CCDC192: variants seen among roughly 807,000 people sequenced by gnomAD.
CCDC192 encodes the protein coiled-coil domain-containing protein 192.
chr5:127,866,354 A>G (rs566905572), intron 5 of CCDC192, among the ~76,000 whole-genome samples: 1 of 151,596 alleles, frequency 6.6e-6, no homozygotes, highest in South Asian at 2.1e-4. Context: ...GCCCTTAGTC[A>G]AATTAACTAT....
intron 2 of CCDC192, among the ~76,000 whole-genome samples, chr5:127,738,836 A>T (rs928384590): frequency 2.6e-5 from 4 of 151,764 alleles, no homozygotes; most frequent in Admixed American, 1.3e-4. Context: ...ATTCTTCTAA[A>T]TTTTTTTCAG....
chr5:127,880,740 G>A (rs1178314791), intron 6 of CCDC192, among the ~76,000 whole-genome samples: 1 of 152,156 alleles, frequency 6.6e-6, no homozygotes, highest in African/African-American at 2.4e-5. Flanking sequence ...AGCACTTTGG[G>A]AGGCAGAGGT....
chr5:127,719,534 C>CAT (rs1158638020), intron 2 of CCDC192, among the ~76,000 whole-genome samples: 1,568 of 42,168 alleles, frequency 0.037, 58 homozygotes, highest in African/African-American at 0.068. Flanking sequence ...TACACACATA[C>CAT]ATATATATAT....
At chr5:127,720,304 A>G (rs925463878) in intron 2 of CCDC192, among the ~76,000 whole-genome samples, 3 of 152,236 alleles carry the variant, frequency 2.0e-5, no homozygotes, top group Non-Finnish European at 4.4e-5. Flanking sequence ...TGCAAGTCCA[A>G]AACTCAGCAG....
chr5:127,705,773 ACT>A (rs1467957127), intron 1 of CCDC192, among the ~76,000 whole-genome samples: 3 of 151,898 alleles, frequency 2.0e-5, no homozygotes, highest in Non-Finnish European at 4.4e-5. Context: ...ATAAACACAC[ACT>A]CTGGACTATT....
At chr5:127,891,535 G>C (rs537949484) in intron 6 of CCDC192, among the ~76,000 whole-genome samples, 1 of 152,262 alleles carries the variant, frequency 6.6e-6, no homozygotes, top group African/African-American at 2.4e-5. Context: ...TCCACCTAGT[G>C]CTCCACACTC....
intron 2 of CCDC192, among the ~76,000 whole-genome samples, chr5:127,718,213 T>G (rs1270628260): frequency 6.6e-6 from 1 of 152,220 alleles, no homozygotes; most frequent in Non-Finnish European, 1.5e-5. Context: ...AAAGGTCCTG[T>G]CTTCATGCAA....
intron 3 of CCDC192, among the ~76,000 whole-genome samples, chr5:127,789,926 A>T (rs1247934851): frequency 1.3e-5 from 2 of 152,132 alleles, no homozygotes; most frequent in Non-Finnish European, 2.9e-5. Context: ...TGAAACCAAG[A>T]TCCTCGTGTG....
intron 5 of CCDC192, among the ~76,000 whole-genome samples, chr5:127,869,904 A>G (rs1751774870): frequency 6.6e-6 from 1 of 152,174 alleles, no homozygotes; most frequent in South Asian, 2.1e-4. Flanking sequence ...AAGAACTGAA[A>G]GGTGTTAGCT....
chr5:127,936,039 G>T (rs923385319), intron 6 of CCDC192, among the ~76,000 whole-genome samples: 3 of 152,176 alleles, frequency 2.0e-5, no homozygotes, highest in African/African-American at 7.2e-5. Context: ...GGGAGGCAGA[G>T]GTTGTGGTGA....
At chr5:127,847,844 A>AATAC (rs1433942736) in intron 5 of CCDC192, among the ~76,000 whole-genome samples, 3 of 151,084 alleles carry the variant, frequency 2.0e-5, no homozygotes, top group Admixed American at 6.6e-5. Context: ...TAAATAAATA[A>AATAC]ATAAATAAAT....
Position 127,772,466 on chromosome 5 carries a change from CAAAAAAAAA to C in CCDC192, c.222+18100_222+18108del, listed in dbSNP as rs34089281. 8.7e-4 allele frequency among the ~76,000 whole-genome samples: 59 copies of C among 67,744 alleles called. 1 individual carries two copies. Among genetic ancestry groups the C allele is most frequent in the Non-Finnish European group, 1.7e-3 (53 of 30,340 alleles). The allele number at this position is 67,744 out of a possible 152,430, so 44.4% of individuals were successfully genotyped here. On this transcript the variant is annotated intron_variant, in intron 3 of 6. Coordinates refer to ENST00000514853, the MANE Select transcript of CCDC192 (RefSeq NM_001317938.2). ...TGGGTGACAGAGTGAGACTCTGTCA[CAAAAAAAAA>C]AAAAAAAAGTCACCAAGATCCTTTG...
At chr5:127,780,592 C>T (rs1756154228) in intron 3 of CCDC192, among the ~76,000 whole-genome samples, 1 of 152,046 alleles carries the variant, frequency 6.6e-6, no homozygotes, top group South Asian at 2.1e-4. Flanking sequence ...AGCATTTTTT[C>T]ATATATTTGT....
chr5:127,749,405 T>C (rs1753988482), intron 2 of CCDC192, among the ~76,000 whole-genome samples: 1 of 152,100 alleles, frequency 6.6e-6, no homozygotes. Flanking sequence ...TTTTATATGC[T>C]GGATTACATT....
intron 6 of CCDC192, among the ~76,000 whole-genome samples, chr5:127,911,557 TGATA>T (rs1753348724): frequency 6.6e-6 from 1 of 152,182 alleles, no homozygotes; most frequent in South Asian, 2.1e-4. Flanking sequence ...ATATATTTAT[TGATA>T]GATATAGATA....
Position 127,893,341 on chromosome 5 carries a change from T to G in CCDC192, c.535+17680T>G, listed in dbSNP as rs1488698263. Reference sequence around the variant, plus strand: ...AATATGAGAATCAAAATAGCTACTTTGCAAGGTGGTTGTAAGATTGGGAGC... The same window carrying G: ...AATATGAGAATCAAAATAGCTACTTGGCAAGGTGGTTGTAAGATTGGGAGC... On this transcript the variant is annotated intron_variant, in intron 6 of 6. Transcript: ENST00000514853. Among the ~76,000 whole-genome samples, 4 of 152,322 alleles carry G rather than the reference T, an allele frequency of 2.6e-5. No individual in the cohort carries two copies. In the East Asian group the frequency reaches 5.8e-4, roughly 22 times the overall value.
chr5:127,722,077 A>G (rs1367893272), intron 2 of CCDC192, among the ~76,000 whole-genome samples: 3 of 152,100 alleles, frequency 2.0e-5, no homozygotes, highest in Non-Finnish European at 4.4e-5. Flanking sequence ...TTACATTTCC[A>G]CCAACAGTGT....
intron 3 of CCDC192, among the ~76,000 whole-genome samples, chr5:127,773,370 C>G (rs1755672775): frequency 6.6e-6 from 1 of 152,146 alleles, no homozygotes; most frequent in Non-Finnish European, 1.5e-5. Flanking sequence ...CCAACTCTTT[C>G]AAGTTTCAGT....
chr5:127,751,984 C>A (rs959509154), intron 2 of CCDC192, among the ~76,000 whole-genome samples: 1 of 151,988 alleles, frequency 6.6e-6, no homozygotes, highest in East Asian at 1.9e-4. Context: ...TTAAGCACTT[C>A]TCTGTATTGG....
Sources: gnomAD v4.1 joint callset for allele counts (sites outside exome capture counted in the v4.1 genomes callset) on GRCh38, gnomAD v4.1.1 for gene constraint, MANE v1.5 for transcripts, NCBI Gene and HGNC (gene_info 2026-07-23, HGNC 2026-07-21) for gene names.